The following PCDHA9 variants were observed in gnomAD, a reference collection of about 807,000 sequenced individuals.
The protein encoded by PCDHA9 is protocadherin alpha-9.
Under a neutral mutation model 62.0 loss-of-function variants are expected in PCDHA9, and 62 were observed. The observed-to-expected ratio is 1.00, with a 90% confidence interval of 0.81 to 1.23. The LOEUF (loss-of-function observed/expected upper bound fraction) is 1.23, where lower values mean the gene tolerates loss of function less well. PCDHA9 is among the 50% of genes most tolerant of loss of function. The probability of loss-of-function intolerance (pLI) is 0.00; values close to 1 mark genes in which losing one functional copy is unlikely to be tolerated. For synonymous variants in PCDHA9, 557 were observed against 567.6 expected, an observed-to-expected ratio of 0.98 and a Z score of 0.27; for missense variants, 1,205 against 1,249.8, an observed-to-expected ratio of 0.96 and a Z score of 0.54.
intron 1 of PCDHA9, chr5:140,852,101 T>C (rs1297369324): frequency 1.1e-6 from 1 of 909,228 alleles, no homozygotes; most frequent in Non-Finnish European, 1.3e-6. Context: ...TGTCAGATAT[T>C]TTACAAGGTA....
chr5:140,853,936 A>G, intron 1 of PCDHA9: 1 of 845,796 alleles, frequency 1.2e-6, no homozygotes, highest in Non-Finnish European at 1.5e-6. Context: ...TGGGAGGCCA[A>G]GGTGGGAGGG....
chr5:140,916,242 T>A (rs1554197354), intron 1 of PCDHA9, among the ~76,000 whole-genome samples: 1 of 152,208 alleles, frequency 6.6e-6, no homozygotes, highest in Non-Finnish European at 1.5e-5. Flanking sequence ...AGCCAAAGCC[T>A]GGACTTGGGG....
At chr5:140,870,711 G>T (rs781786878) in intron 1 of PCDHA9, 1 of 1,613,108 alleles carries the variant, frequency 6.2e-7, no homozygotes, top group Non-Finnish European at 8.5e-7. Flanking sequence ...AGGTGAGCGC[G>T]CGCGATGCGG....
rs1307872758 is a variant in PCDHA9, at chr5:140,858,559, T to A, written c.2394+7670T>A. The A allele has an allele frequency of 2.2e-6, 3 of 1,382,404 alleles. No homozygotes were observed. The African/African-American group carries it at 4.3e-5, about 20-fold the overall frequency. The allele number at this position is 1,382,404 out of a possible 1,614,324, so 85.6% of individuals were successfully genotyped here. On this transcript the variant is annotated intron_variant, in intron 1 of 3. Coordinates refer to ENST00000532602, the MANE Select transcript of PCDHA9 (RefSeq NM_031857.2). The stretch of plus-strand genomic sequence containing the variant: ...CTACATTCCATTTATGCTTGAATAT[T>A]TCTAGTGATACCTTTGTAATATAAT...
At chr5:140,883,871 G>A (rs1554180366) in intron 1 of PCDHA9, 2 of 1,613,242 alleles carry the variant, frequency 1.2e-6, no homozygotes, top group African/African-American at 2.7e-5. Context: ...GCAGTTCCAG[G>A]TGAGCGCGCG....
At chr5:140,869,775 C>A (rs2051402857) in intron 1 of PCDHA9, 5 of 1,612,980 alleles carry the variant, frequency 3.1e-6, no homozygotes, top group Non-Finnish European at 4.2e-6. Flanking sequence ...AGCTTACTGG[C>A]ACCGTTCGGC....
In PCDHA9 at chr5:140,875,509, C is replaced by A. The variant is rs1554167713; in HGVS notation, c.2394+24620C>A. On this transcript the variant is annotated intron_variant, in intron 1 of 3. Coordinates refer to ENST00000532602, the MANE Select transcript of PCDHA9 (RefSeq NM_031857.2). The stretch of plus-strand genomic sequence containing the variant: ...CGGACCAAGAGGCCCGGGATCCCAG[C>A]GTCTGCTGCTCTCGCTTCTGCTCCT... 3.7e-6 allele frequency: 6 copies of A among 1,613,576 alleles called. No individual in the cohort carries two copies. The Admixed American group carries it at 6.7e-5, about 18-fold the overall frequency.
chr5:140,966,922 G>A (rs782206344), intron 1 of PCDHA9: 5 of 1,603,072 alleles, frequency 3.1e-6, no homozygotes, highest in Non-Finnish European at 4.2e-6. Context: ...CAGAGGAGCA[G>A]GCACCCGGCG....
chr5:140,939,510 A>G (rs2092401222), intron 1 of PCDHA9, among the ~76,000 whole-genome samples: 1 of 150,724 alleles, frequency 6.6e-6, no homozygotes, highest in Admixed American at 6.6e-5. Flanking sequence ...TGTCTATAAC[A>G]TTAATAGTTA....
chr5:140,925,441 T>G (rs1458646143), intron 1 of PCDHA9, among the ~76,000 whole-genome samples: 1 of 152,136 alleles, frequency 6.6e-6, no homozygotes, highest in African/African-American at 2.4e-5. Context: ...TTAGGCAGAA[T>G]TTGGGTGTAT....
intron 1 of PCDHA9, among the ~76,000 whole-genome samples, chr5:140,871,786 T>G (rs2053308227): frequency 6.6e-6 from 1 of 152,224 alleles, no homozygotes; most frequent in African/African-American, 2.4e-5. Flanking sequence ...GTCACTTGAG[T>G]AGAAATAATT....
intron 3 of PCDHA9, among the ~76,000 whole-genome samples, chr5:140,997,287 A>G (rs1011963664): frequency 2.0e-5 from 3 of 152,280 alleles, no homozygotes; most frequent in Admixed American, 1.3e-4. Context: ...TCACTTAACA[A>G]TGGGGATACA....
Position 141,010,368 on chromosome 5 carries a change from C to A in PCDHA9, c.*431C>A. On this transcript the variant is annotated 3_prime_UTR_variant, in exon 4 of 4. Transcript: ENST00000532602. ...GGTATGTGTGGCTACCGCGGGTATG[C>A]GAGTGCCAGATATTGGCTGAGACGA... 2 of 1,471,050 alleles carry A rather than the reference C, an allele frequency of 1.4e-6. No homozygotes were observed. Among genetic ancestry groups the A allele is most frequent in the Non-Finnish European group, 1.8e-6 (2 of 1,106,904 alleles). The allele number at this position is 1,471,050 out of a possible 1,614,324, so 91.1% of individuals were successfully genotyped here. A position where few individuals can be genotyped will look rare whatever the true frequency, so the allele number is the denominator to read the frequency against.
intron 1 of PCDHA9, chr5:140,927,063 C>T: frequency 6.2e-7 from 1 of 1,611,332 alleles, no homozygotes; most frequent in Non-Finnish European, 8.5e-7. Flanking sequence ...ACTTTCGCTT[C>T]CTTTCCAGCC....
At chr5:140,871,176 GCT>G in intron 1 of PCDHA9, 6 of 1,613,534 alleles carry the variant, frequency 3.7e-6, no homozygotes, top group Non-Finnish European at 5.1e-6. Context: ...CAGAGGCTGC[GCT>G]GGTGGATGTC....
intron 1 of PCDHA9, among the ~76,000 whole-genome samples, chr5:140,898,104 A>G (rs1220718510): frequency 2.0e-5 from 3 of 152,110 alleles, no homozygotes; most frequent in Middle Eastern, 3.4e-3. Flanking sequence ...TTGTCAGATG[A>G]GTAGGTTGCG....
chr5:140,883,930 C>T, intron 1 of PCDHA9: 1 of 1,613,066 alleles, frequency 6.2e-7, no homozygotes, highest in East Asian at 2.2e-5. Context: ...TGCAGGTGTT[C>T]GTGCTGGACG....
chr5:140,859,547 A>G (rs1185528654), intron 1 of PCDHA9: 1 of 181,734 alleles, frequency 5.5e-6, no homozygotes, highest in Non-Finnish European at 1.1e-5. Flanking sequence ...TTCTAGTGTT[A>G]CCAAACACCA....
intron 1 of PCDHA9, among the ~76,000 whole-genome samples, chr5:140,873,657 C>A (rs1270824058): frequency 6.6e-6 from 1 of 152,090 alleles, no homozygotes; most frequent in Non-Finnish European, 1.5e-5. Context: ...ACATAACACA[C>A]TATTATTATT....
Sources: allele counts gnomAD v4.1 joint callset (sites outside exome capture counted in the v4.1 genomes callset), GRCh38; gene constraint gnomAD v4.1.1; transcripts MANE v1.5; gene names NCBI Gene and HGNC (gene_info 2026-07-23, HGNC 2026-07-21).